Variants in SLC24A2 observed in about 807,000 individuals in gnomAD.
The protein encoded by SLC24A2 is sodium/potassium/calcium exchanger 2.
In SLC24A2, 36 loss-of-function variants were observed where a neutral mutation model predicts 62.0. That is an observed-to-expected ratio of 0.58 (90% CI 0.44 to 0.77). SLC24A2 has a LOEUF of 0.77. SLC24A2 is among the 30% of genes least tolerant of loss of function. SLC24A2 has a pLI of 0.00. For synonymous variants in SLC24A2, 358 were observed against 294.0 expected (o/e 1.22, Z -2.23); for missense variants, 846 against 817.9 (o/e 1.03, Z -0.42).
At chr9:20,149,393 T>C in the SLC24A2 span, among the ~76,000 whole-genome samples, 1 of 152,060 alleles carries the variant, frequency 6.6e-6, no homozygotes. Context: ...AAATAGTAAC[T>C]TCCATAGGGA....
At chr9:19,834,984 A>C in the SLC24A2 span, among the ~76,000 whole-genome samples, 1 of 152,160 alleles carries the variant, frequency 6.6e-6, no homozygotes, top group Non-Finnish European at 1.5e-5. Flanking sequence ...TAAACTTCAT[A>C]AGTGAAGGAG....
chr9:19,793,957 G>T (rs953028124), upstream of SLC24A2, among the ~76,000 whole-genome samples: 4 of 152,086 alleles, frequency 2.6e-5, no homozygotes, highest in African/African-American at 9.7e-5. Context: ...TTCTCCTCAG[G>T]CCTCTCAGCC....
the SLC24A2 span, among the ~76,000 whole-genome samples, chr9:20,116,432 G>A: frequency 6.6e-6 from 1 of 152,094 alleles, no homozygotes; most frequent in Non-Finnish European, 1.5e-5. Flanking sequence ...AACAAGACCA[G>A]GTCCTATGTT....
At chr9:20,229,150 C>T in the SLC24A2 span, among the ~76,000 whole-genome samples, 1 of 152,136 alleles carries the variant, frequency 6.6e-6, no homozygotes, top group African/African-American at 2.4e-5. Flanking sequence ...CATCACAGCT[C>T]ATCACTTTCC....
the SLC24A2 span, among the ~76,000 whole-genome samples, chr9:20,088,003 C>T: frequency 6.6e-6 from 1 of 152,196 alleles, no homozygotes. Context: ...ATCCACTCCA[C>T]CAGGACCTTC....
At chr9:19,587,641 T>C (rs57659721) in intron 5 of SLC24A2, among the ~76,000 whole-genome samples, 21,910 of 151,792 alleles carry the variant, frequency 0.14, 1,849 homozygotes, top group African/African-American at 0.24. Context: ...CCTCCAAGTA[T>C]AACAAATTCC....
chr9:20,267,534 C>G, the SLC24A2 span, among the ~76,000 whole-genome samples: 1 of 152,096 alleles, frequency 6.6e-6, no homozygotes, highest in Non-Finnish European at 1.5e-5. Context: ...GGGGTTCCAG[C>G]CTTTAACACA....
Position 19,731,809 on chromosome 9 carries a change from C to T in SLC24A2, c.930+54128G>A, listed in dbSNP as rs1164102040. 3.9e-5 allele frequency among the ~76,000 whole-genome samples: 6 copies of T among 152,302 alleles called. No homozygotes were observed. The East Asian group carries it at 9.7e-4, about 25-fold the overall frequency. ...CCAAATAAATGGTGACTGCAGGCTG[C>T]CCACACTTTTCTTTGCACAGCAACC... On this transcript the variant is annotated intron_variant, in intron 2 of 10. Transcript: ENST00000341998.
At chr9:19,533,452 A>AT (rs1371424213) in intron 8 of SLC24A2, among the ~76,000 whole-genome samples, 1 of 152,218 alleles carries the variant, frequency 6.6e-6, no homozygotes, top group African/African-American at 2.4e-5. Context: ...GGCTGGCCTT[A>AT]TGACTTGCTT....
chr9:19,573,448 C>T lies in SLC24A2; in HGVS notation c.1250G>A (p.Ser417Asn), dbSNP rs368681056. 2 of 1,608,050 alleles carry T rather than the reference C, an allele frequency of 1.2e-6. No homozygotes were observed. The highest frequency in any genetic ancestry group is 2.2e-5 in the South Asian group (2 of 90,974). Reference protein sequence around the residue: ...NHVEKIELPNSTSTDVEMTPS... With the variant: ...NHVEKIELPNNTSTDVEMTPS... ...TGTCATTTCAACATCTGTGCTGGTG[C>T]TGTTTGGAAGCTCAATTTTTTCTGT... Residue 417 changes from serine (S) to asparagine (N), a missense_variant, in exon 7 of 11, where the codon AGC becomes AAC. Coordinates refer to ENST00000341998, the MANE Select transcript of SLC24A2 (RefSeq NM_020344.4).
the SLC24A2 span, among the ~76,000 whole-genome samples, chr9:19,962,766 T>C: frequency 1.3e-5 from 2 of 152,162 alleles, no homozygotes; most frequent in East Asian, 3.9e-4. Context: ...GGGCTGAGAC[T>C]ATGGGGTTTT....
chr9:19,839,766 A>G, the SLC24A2 span, among the ~76,000 whole-genome samples: 3 of 152,226 alleles, frequency 2.0e-5, no homozygotes, highest in Non-Finnish European at 2.9e-5. Context: ...AATAATTTTT[A>G]GGTCAATGAC....
the SLC24A2 span, among the ~76,000 whole-genome samples, chr9:20,076,917 C>G: frequency 1.4e-5 from 2 of 141,052 alleles, no homozygotes; most frequent in African/African-American, 5.2e-5. Context: ...ATATATATAC[C>G]ACATTTATAT....
intron 2 of SLC24A2, among the ~76,000 whole-genome samples, chr9:19,663,640 G>T (rs572283701): frequency 1.3e-5 from 2 of 152,154 alleles, no homozygotes; most frequent in African/African-American, 4.8e-5. Context: ...TTTTGAGTGT[G>T]AGAAACTGCT....
the SLC24A2 span, among the ~76,000 whole-genome samples, chr9:19,900,801 C>A: frequency 6.6e-6 from 1 of 152,178 alleles, no homozygotes; most frequent in Admixed American, 6.5e-5. Flanking sequence ...AACACTTACC[C>A]TAAAACCCAG....
At chr9:19,876,648 C>A in the SLC24A2 span, among the ~76,000 whole-genome samples, 1 of 152,136 alleles carries the variant, frequency 6.6e-6, no homozygotes, top group Non-Finnish European at 1.5e-5. Context: ...GCTATGTTAA[C>A]TAATAGATAT....
the SLC24A2 span, among the ~76,000 whole-genome samples, chr9:20,248,657 T>C: frequency 3.9e-5 from 6 of 152,196 alleles, no homozygotes; most frequent in Admixed American, 6.5e-5. Context: ...ATTTAGACTT[T>C]ACCATATGAA....
intron 7 of SLC24A2, among the ~76,000 whole-genome samples, chr9:19,552,965 A>G (rs1343295881): frequency 1.3e-5 from 2 of 152,204 alleles, no homozygotes; most frequent in African/African-American, 2.4e-5. Context: ...TAGGGCAGAA[A>G]TGGACTAGGA....
At chr9:19,903,810 G>A in the SLC24A2 span, among the ~76,000 whole-genome samples, 2 of 152,194 alleles carry the variant, frequency 1.3e-5, no homozygotes, top group African/African-American at 4.8e-5. Flanking sequence ...GGGAGCTTTA[G>A]AGGTCAGTAT....
Sources: gnomAD v4.1 joint callset for allele counts (sites outside exome capture counted in the v4.1 genomes callset) on GRCh38, gnomAD v4.1.1 for gene constraint, MANE v1.5 for transcripts, NCBI Gene and HGNC (gene_info 2026-07-23, HGNC 2026-07-21) for gene names.